The following WAPL variants were observed in gnomAD, a reference collection of about 807,000 sequenced individuals.
WAPL encodes the protein wings apart-like protein homolog.
Under a neutral mutation model 121.0 loss-of-function variants are expected in WAPL, and 5 were observed. The observed-to-expected ratio is 0.04, with a 90% CI of 0.02 to 0.09. The LOEUF is 0.09. Among genes scored for constraint, WAPL ranks in the 10% least tolerant of loss-of-function variants. WAPL has a pLI of 1.00. For missense variants in WAPL, 999 were observed against 1,410.8 expected, an observed-to-expected ratio of 0.71 and a Z score of 4.68; for synonymous variants, 480 against 481.5, an observed-to-expected ratio of 1.00 and a Z score of 0.04.
intron 4 of WAPL, among the ~76,000 whole-genome samples, chr10:86,481,714 T>C (rs75912996): frequency 0.096 from 14,515 of 151,724 alleles, 883 homozygotes; most frequent in Middle Eastern, 0.16. Context: ...AAAAGAAACA[T>C]AGAAAAGAAG....
At chr10:86,484,754 A>C (rs559932239) in intron 4 of WAPL, among the ~76,000 whole-genome samples, 1 of 152,262 alleles carries the variant, frequency 6.6e-6, no homozygotes, top group East Asian at 1.9e-4. Context: ...TTAGATACAC[A>C]AATACTTACC....
chr10:86,516,632 T>G (rs529846062), intron 2 of WAPL, among the ~76,000 whole-genome samples: 19 of 152,272 alleles, frequency 1.2e-4, no homozygotes, highest in African/African-American at 3.4e-4. Flanking sequence ...ACCCTCAATA[T>G]TAGCTCTTCA....
intron 3 of WAPL, among the ~76,000 whole-genome samples, chr10:86,497,538 G>A (rs188838331): frequency 6.6e-6 from 1 of 152,032 alleles, no homozygotes; most frequent in Non-Finnish European, 1.5e-5. Flanking sequence ...TCATAAACCT[G>A]GTTGCTGTGT....
chr10:86,503,871 T>C (rs565442249), intron 2 of WAPL, among the ~76,000 whole-genome samples: 47 of 152,114 alleles, frequency 3.1e-4, no homozygotes, highest in African/African-American at 1.1e-3. Context: ...AATGTCCCAG[T>C]AGAAAATGGC....
At chr10:86,503,661 G>A (rs1408588622) in intron 2 of WAPL, among the ~76,000 whole-genome samples, 1 of 151,388 alleles carries the variant, frequency 6.6e-6, no homozygotes, top group African/African-American at 2.4e-5. Flanking sequence ...GCTGAGGCAG[G>A]AGAATGGCGT....
At chr10:86,506,790 TA>T (rs1004930902) in intron 2 of WAPL, among the ~76,000 whole-genome samples, 1 of 151,266 alleles carries the variant, frequency 6.6e-6, no homozygotes, top group South Asian at 2.1e-4. Flanking sequence ...ACCTTGTTTC[TA>T]AAAAAAATTA....
At chr10:86,489,598 G>A (rs1408353263) in intron 4 of WAPL, among the ~76,000 whole-genome samples, 1 of 152,148 alleles carries the variant, frequency 6.6e-6, no homozygotes, top group Non-Finnish European at 1.5e-5. Flanking sequence ...CAAGAGGGGG[G>A]TGCTATTGAC....
At chr10:86,507,894 A>G (rs1047573521) in intron 2 of WAPL, among the ~76,000 whole-genome samples, 1 of 151,982 alleles carries the variant, frequency 6.6e-6, no homozygotes. Context: ...TATCTTCTCA[A>G]TCTCTCTCTG....
chr10:86,509,128 G>A (rs1332741069), intron 2 of WAPL, among the ~76,000 whole-genome samples: 2 of 152,042 alleles, frequency 1.3e-5, no homozygotes, highest in Non-Finnish European at 2.9e-5. Context: ...TTTCTTTCCA[G>A]ATAATATTTA....
In WAPL at chr10:86,458,979, A is replaced by G; in HGVS notation, c.2657+10T>C. On this transcript the variant is annotated intron_variant, in intron 12 of 18. Transcript: ENST00000298767. Reference sequence around the variant, plus strand: ...AATGTTAGTTGTTAACTAATAAACAAAAAACTTACTTAGCTGATGAAACAA... The same window carrying G: ...AATGTTAGTTGTTAACTAATAAACAGAAAACTTACTTAGCTGATGAAACAA... 1.3e-6 allele frequency: 2 copies of G among 1,598,664 alleles called. No individual in the cohort carries two copies. Among genetic ancestry groups the G allele is most frequent in the East Asian group, 4.5e-5 (2 of 44,632 alleles).
chr10:86,438,825 T>C (rs181573780), intron 17 of WAPL, among the ~76,000 whole-genome samples: 8 of 152,246 alleles, frequency 5.3e-5, no homozygotes, highest in African/African-American at 1.9e-4. Flanking sequence ...TCTCAGACAA[T>C]ATCAGGAGAG....
In WAPL at chr10:86,490,504, T is replaced by C. The variant is rs78499489; in HGVS notation, c.1644+6697A>G. On this transcript the variant is annotated intron_variant, in intron 4 of 18. Transcript: ENST00000298767. ...ATTACTCCAACATTAAGTTCATAAC[T>C]AAGTTAAAAAAACAGAACACAAATA... 5.4e-3 allele frequency among the ~76,000 whole-genome samples: 819 copies of C among 152,142 alleles called. 6 individuals carry two copies. Among genetic ancestry groups the C allele is most frequent in the African/African-American group, 0.019 (781 of 41,524 alleles).
At chr10:86,489,577 TAAC>T (rs1345140087) in intron 4 of WAPL, among the ~76,000 whole-genome samples, 1 of 152,130 alleles carries the variant, frequency 6.6e-6, no homozygotes, top group Non-Finnish European at 1.5e-5. Context: ...TTTTGGGTTG[TAAC>T]AACAAGGCAA....
intron 4 of WAPL, 65 bp from the exon 5 acceptor site, chr10:86,474,038 A>C: frequency 7.5e-7 from 1 of 1,333,340 alleles, no homozygotes; most frequent in South Asian, 1.2e-5. Flanking sequence ...TAAAAATCAT[A>C]AAGAATAATT....
At chr10:86,458,699 T>C (rs780321184) in intron 12 of WAPL, among the ~76,000 whole-genome samples, 1 of 147,718 alleles carries the variant, frequency 6.8e-6, no homozygotes, top group Admixed American at 6.7e-5. Context: ...CATTTTACTG[T>C]AATAAAAATC....
intron 12 of WAPL, among the ~76,000 whole-genome samples, chr10:86,458,095 A>T (rs964342227): frequency 1.3e-5 from 2 of 152,370 alleles, no homozygotes; most frequent in African/African-American, 4.8e-5. Flanking sequence ...GCCTTTGATA[A>T]GGCTGACTTC....
chr10:86,483,783 AAT>A (rs1491545997), intron 4 of WAPL, among the ~76,000 whole-genome samples: 8 of 142,466 alleles, frequency 5.6e-5, no homozygotes, highest in African/African-American at 2.1e-4. Context: ...AAAAAAAAAA[AAT>A]TTTTTTTTCT....
intron 4 of WAPL, among the ~76,000 whole-genome samples, chr10:86,477,211 G>A (rs1841678480): frequency 1.3e-5 from 2 of 152,206 alleles, no homozygotes; most frequent in South Asian, 2.1e-4. Context: ...CAGGGAAAGA[G>A]AGAAAAGGGA....
intron 3 of WAPL, among the ~76,000 whole-genome samples, chr10:86,497,636 T>C (rs1842173632): frequency 6.6e-6 from 1 of 152,206 alleles, no homozygotes; most frequent in Non-Finnish European, 1.5e-5. Context: ...ACATAACTGC[T>C]GGATATCCAT....
Sources: gnomAD v4.1 joint callset for allele counts (sites outside exome capture counted in the v4.1 genomes callset) on GRCh38, gnomAD v4.1.1 for gene constraint, MANE v1.5 for transcripts, NCBI Gene and HGNC (gene_info 2026-07-23, HGNC 2026-07-21) for gene names.